The following LDB3 variants were observed in gnomAD, a reference collection of about 807,000 sequenced individuals.
LDB3 encodes LIM domain-binding protein 3.
A neutral mutation model predicts 69.0 loss-of-function variants in LDB3; 49 were observed. That is an observed-to-expected ratio of 0.71 (90% CI 0.56 to 0.90). The LOEUF is 0.90. LDB3 is among the 40% of genes least tolerant of loss of function. The pLI, the probability that LDB3 is intolerant of heterozygous loss-of-function variation, is 0.00. For missense variants in LDB3, 928 were observed against 974.1 expected, an observed-to-expected ratio of 0.95 and a Z score of 0.63; for synonymous variants, 387 against 396.2, an observed-to-expected ratio of 0.98 and a Z score of 0.28.
Position 86,735,201 on chromosome 10 carries a change from G to T in LDB3, c.*2225G>T, listed in dbSNP as rs1847590790. 6.7e-6 allele frequency: 1 copy of T among 149,386 alleles called. No individual in the cohort carries two copies. Among genetic ancestry groups the T allele is most frequent in the South Asian group, 2.1e-4 (1 of 4,740 alleles). 9.3% of individuals were successfully genotyped at this position (149,386 alleles called of 1,614,324 possible). A position where few individuals can be genotyped will look rare whatever the true frequency, so the allele number is the denominator to read the frequency against. On this transcript the variant is annotated 3_prime_UTR_variant, in exon 14 of 14. Coordinates refer to ENST00000361373, the MANE Select transcript of LDB3 (RefSeq NM_007078.3). The stretch of plus-strand genomic sequence containing the variant: ...TGAATCAATTTTTCTACATTTCAGA[G>T]CAAGTGTAGATTCTGAGGGACTCCT...
chr10:86,697,450 A>C (rs568479366), intron 7 of LDB3, among the ~76,000 whole-genome samples: 1 of 150,208 alleles, frequency 6.7e-6, no homozygotes, highest in Non-Finnish European at 1.5e-5. Flanking sequence ...TGAACTCCTG[A>C]CCTCAAGTGA....
chr10:86,672,184 G>A (rs1056152133), intron 2 of LDB3, among the ~76,000 whole-genome samples: 8 of 152,226 alleles, frequency 5.3e-5, no homozygotes, highest in African/African-American at 1.9e-4. Context: ...ACAGGCACTT[G>A]TGAAAACTTT....
intron 9 of LDB3, among the ~76,000 whole-genome samples, chr10:86,712,709 A>T (rs892238158): frequency 6.6e-6 from 1 of 152,346 alleles, no homozygotes; most frequent in East Asian, 1.9e-4. Context: ...CCACATTTTT[A>T]AAAAATAAAA....
intron 5 of LDB3, 145 bp from the exon 6 acceptor site, chr10:86,691,751 T>A (rs1397156167): frequency 1.1e-6 from 1 of 908,700 alleles, no homozygotes; most frequent in Non-Finnish European, 1.8e-6. Context: ...GTCATGCCCA[T>A]ATCTCAGGTT....
intron 2 of LDB3, among the ~76,000 whole-genome samples, chr10:86,672,941 T>A (rs2354361): frequency 0.28 from 43,031 of 152,000 alleles, 7,050 homozygotes; most frequent in East Asian, 0.46. Context: ...GGCCAGGCTC[T>A]GCTGGGGGCT....
Position 86,681,875 on chromosome 10 carries a change from G to A in LDB3, c.689+72G>A, listed in dbSNP as rs903272791. 1.9e-5 allele frequency: 28 copies of A among 1,454,596 alleles called. No individual in the cohort carries two copies. The African/African-American group carries it at 3.1e-4, about 16-fold the overall frequency. 90.1% of individuals were successfully genotyped at this position (1,454,596 alleles called of 1,614,324 possible). ...GGTCCTCGGTGCTCGGCAGAGACCT[G>A]GTCAGGTGGTCAGAGCGAGGCACTG... On this transcript the variant is annotated intron_variant, in intron 5 of 13. Coordinates refer to ENST00000361373, the MANE Select transcript of LDB3 (RefSeq NM_007078.3).
chr10:86,732,238 T>C (rs1162055927), intron 13 of LDB3, among the ~76,000 whole-genome samples: 1 of 152,164 alleles, frequency 6.6e-6, no homozygotes, highest in African/African-American at 2.4e-5. Context: ...TCTTTAGACG[T>C]GAATCCTCTC....
At position 86,733,494 on chromosome 10, in the gene LDB3, A is replaced by T; in HGVS notation, c.*518A>T. The T allele has an allele frequency of 6.0e-6, 1 of 166,190 alleles. No individual in the cohort carries two copies. Among genetic ancestry groups the T allele is most frequent in the South Asian group, 1.6e-4 (1 of 6,218 alleles). 10.3% of individuals were successfully genotyped at this position (166,190 alleles called of 1,614,324 possible). On this transcript the variant is annotated 3_prime_UTR_variant, in exon 14 of 14. Transcript: ENST00000361373. ...TCACCAAAAAAGGAAGTGTTATTCCATTACTAGCGTCATGGAGCTACCTCT... is the reference window on the plus strand; with the variant it reads ...TCACCAAAAAAGGAAGTGTTATTCCTTTACTAGCGTCATGGAGCTACCTCT...
intron 8 of LDB3, 38 bp from the exon 9 acceptor site, chr10:86,709,867 T>C: frequency 1.9e-6 from 3 of 1,602,936 alleles, no homozygotes; most frequent in Non-Finnish European, 2.5e-6. Flanking sequence ...CAGTGGGGGC[T>C]GTCCTTCTGG....
intron 9 of LDB3, among the ~76,000 whole-genome samples, chr10:86,713,372 G>C (rs1020887349): frequency 2.6e-5 from 4 of 151,872 alleles, no homozygotes; most frequent in African/African-American, 7.3e-5. Flanking sequence ...TTAGCCTCCC[G>C]AGTAGCTGGG....
chr10:86,672,967 T>C (rs1345625737), intron 2 of LDB3, among the ~76,000 whole-genome samples: 1 of 152,212 alleles, frequency 6.6e-6, no homozygotes, highest in Non-Finnish European at 1.5e-5. Flanking sequence ...CCCAATTCCC[T>C]GAGTCTCCTT....
chr10:86,726,445 A>T, intron 13 of LDB3, 193 bp downstream of exon 13: 1 of 629,206 alleles, frequency 1.6e-6, no homozygotes, highest in South Asian at 1.8e-5. Context: ...AATTATTTAT[A>T]AACCAATGTG....
At chr10:86,704,331 A>T (rs1846365552) in intron 7 of LDB3, among the ~76,000 whole-genome samples, 1 of 152,030 alleles carries the variant, frequency 6.6e-6, no homozygotes, top group Non-Finnish European at 1.5e-5. Flanking sequence ...ATCTTTCTGG[A>T]CCTCAGATTT....
Position 86,668,608 on chromosome 10 carries a change from AC to A in LDB3, c.-24+40del, listed in dbSNP as rs776156064. The A allele has an allele frequency of 8.0e-4, 850 of 1,068,692 alleles. 4 individuals carry two copies. The highest frequency in any genetic ancestry group is 1.1e-3 in the Non-Finnish European group (776 of 685,494). The allele number at this position is 1,068,692 out of a possible 1,614,324, so 66.2% of individuals were successfully genotyped here. Reference sequence around the variant, plus strand: ...GTCAGGGGCAGGGGCAGAGGTGTGGACCGGGCAGGCGGAGTGCCTGAGTGCC... The same window carrying A: ...GTCAGGGGCAGGGGCAGAGGTGTGGACGGGCAGGCGGAGTGCCTGAGTGCC... On this transcript the variant is annotated intron_variant, in intron 1 of 13. Coordinates refer to ENST00000361373, the MANE Select transcript of LDB3 (RefSeq NM_007078.3).
chr10:86,680,801 C>G (rs1046474513), intron 4 of LDB3, among the ~76,000 whole-genome samples: 1 of 152,238 alleles, frequency 6.6e-6, no homozygotes, highest in Non-Finnish European at 1.5e-5. Context: ...ACTTCTCCCC[C>G]TATGTGAACT....
intron 9 of LDB3, among the ~76,000 whole-genome samples, chr10:86,711,831 C>T (rs936935760): frequency 6.7e-6 from 1 of 149,470 alleles, no homozygotes; most frequent in African/African-American, 2.4e-5. Flanking sequence ...GCGGGCCGGG[C>T]GGCGGCCAGG....
chr10:86,728,370 A>C (rs1401294295), intron 13 of LDB3, among the ~76,000 whole-genome samples: 1 of 152,190 alleles, frequency 6.6e-6, no homozygotes, highest in African/African-American at 2.4e-5. Context: ...TCACAACAGC[A>C]AAAGTCCAAG....
intron 8 of LDB3, 103 bp downstream of exon 8, chr10:86,706,822 C>T (rs934699490): frequency 2.2e-5 from 28 of 1,296,188 alleles, no homozygotes; most frequent in Non-Finnish European, 3.0e-5. Context: ...TAGTTAGGGC[C>T]CGCAGGCCTA....
At chr10:86,726,000 G>A (rs1008665048) in intron 12 of LDB3, 137 bp from the exon 13 acceptor site, 7 of 691,132 alleles carry the variant, frequency 1.0e-5, no homozygotes, top group Non-Finnish European at 1.9e-5. Flanking sequence ...ATGTAACTGA[G>A]TATTTCATCT....
Sources: allele counts gnomAD v4.1 joint callset (sites outside exome capture counted in the v4.1 genomes callset), GRCh38; gene constraint gnomAD v4.1.1; transcripts MANE v1.5; gene names NCBI Gene and HGNC (gene_info 2026-07-23, HGNC 2026-07-21).